The following C1QTNF9B variants were observed in gnomAD, a reference collection of about 807,000 sequenced individuals.
C1QTNF9B encodes the protein complement C1q and tumor necrosis factor-related protein 9B.
A neutral mutation model predicts 10.1 loss-of-function variants in C1QTNF9B; 9 were observed. The ratio of observed to expected loss-of-function variants is 0.89; its 90% CI spans 0.53 to 1.55. The LOEUF is 1.55. Among genes scored for constraint, C1QTNF9B ranks in the 40% most tolerant of loss-of-function variants. C1QTNF9B has a pLI of 0.00. For synonymous variants in C1QTNF9B, 79 were observed against 159.9 expected (o/e 0.49, Z 3.82); for missense variants, 196 against 414.4 (o/e 0.47, Z 4.58).
intron 1 of C1QTNF9B, chr13:23,894,513 T>C (rs554898017): frequency 1.5e-5 from 9 of 601,200 alleles, no homozygotes; most frequent in African/African-American, 3.6e-5. Flanking sequence ...ACTGTCACAA[T>C]TGATTGTGTT....
intron 1 of C1QTNF9B, among the ~76,000 whole-genome samples, chr13:23,894,950 T>C (rs548250487): frequency 6.6e-6 from 1 of 152,302 alleles, no homozygotes; most frequent in East Asian, 1.9e-4. Context: ...GAGACTCCCA[T>C]ACTTCAGACC....
chr13:23,891,509 T>C, exon 3 of C1QTNF9B: 1 of 1,608,120 alleles, frequency 6.2e-7, no homozygotes. Flanking sequence ...CACCTGAACA[T>C]TCCTGGAGAA....
chr13:23,893,949 G>A (rs1872106542), intron 2 of C1QTNF9B, among the ~76,000 whole-genome samples, 190 bp downstream of exon 4: 1 of 152,168 alleles, frequency 6.6e-6, no homozygotes, highest in Non-Finnish European at 1.5e-5. Flanking sequence ...AGATCTGTGT[G>A]GAGTTGAGAA....
intron 2 of C1QTNF9B, 90 bp from the exon 5 acceptor site, chr13:23,892,151 A>C: frequency 6.6e-7 from 1 of 1,507,396 alleles, no homozygotes. Flanking sequence ...CTCACAAATG[A>C]AACAAAGTAG....
upstream of C1QTNF9B, chr13:23,897,119 C>T (rs971991398): frequency 6.9e-6 from 9 of 1,297,166 alleles, no homozygotes; most frequent in African/African-American, 7.4e-5. Flanking sequence ...CCCAGACCCA[C>T]ACCTGGACAG....
chr13:23,892,113 G>A (rs1286222588), intron 2 of C1QTNF9B, 52 bp from the exon 5 acceptor site: 1 of 1,602,948 alleles, frequency 6.2e-7, no homozygotes. Flanking sequence ...ATTCCCTTGT[G>A]AACAACTTTG....
upstream of C1QTNF9B, chr13:23,897,333 A>C: frequency 2.6e-6 from 1 of 383,130 alleles, no homozygotes; most frequent in Non-Finnish European, 4.7e-6. Flanking sequence ...ATGCTTACTT[A>C]TCTCACAGGA....
At chr13:23,893,670 A>G (rs1007401642) in intron 2 of C1QTNF9B, among the ~76,000 whole-genome samples, 7 of 152,096 alleles carry the variant, frequency 4.6e-5, no homozygotes, top group African/African-American at 1.4e-4. Context: ...AAGTCTTACT[A>G]TGTTGCCCAG....
chr13:23,893,908 T>C (rs1872105313), intron 2 of C1QTNF9B, among the ~76,000 whole-genome samples: 3 of 152,214 alleles, frequency 2.0e-5, no homozygotes, highest in Admixed American at 1.3e-4. Context: ...CAGCTTCTTT[T>C]CACTACAAGG....
chr13:23,891,119 C>T (rs1273324166), exon 3 of C1QTNF9B: 4 of 603,116 alleles, frequency 6.6e-6, no homozygotes, highest in Non-Finnish European at 1.0e-5. Context: ...ATATTTACTC[C>T]TGGAAAAATA....
rs1872119805 is a variant in C1QTNF9B at position 23,894,264 on chromosome 13, G to C, written c.167-63C>G. On this transcript the variant is annotated intron_variant, in intron 1 of 2. Transcript: ENST00000382137. Reference sequence around the variant, plus strand: ...TCCATTTCTGATTTTTCTGGCCATTGGTCTCCATCAGCCATGTGTTGGAGA... The same window carrying C: ...TCCATTTCTGATTTTTCTGGCCATTCGTCTCCATCAGCCATGTGTTGGAGA... The C allele has an allele frequency of 3.9e-6, 5 of 1,298,450 alleles. No homozygotes were observed. The East Asian group carries it at 1.0e-4, about 26-fold the overall frequency. The allele number at this position is 1,298,450 out of a possible 1,614,324, so 80.4% of individuals were successfully genotyped here. A position where few individuals can be genotyped will look rare whatever the true frequency, so the allele number is the denominator to read the frequency against.
intron 2 of C1QTNF9B, among the ~76,000 whole-genome samples, 156 bp downstream of exon 4, chr13:23,893,983 A>T (rs1298877775): frequency 2.0e-5 from 3 of 152,176 alleles, no homozygotes; most frequent in Non-Finnish European, 4.4e-5. Flanking sequence ...GCCCTCTGCA[A>T]AGCCTGCCAA....
chr13:23,896,825 A>C (rs571318302), exon 1 of C1QTNF9B: 1 of 1,612,976 alleles, frequency 6.2e-7, no homozygotes, highest in African/African-American at 1.3e-5. Flanking sequence ...GAGTACCTGC[A>C]TCGCCTTTGT....
intron 2 of C1QTNF9B, among the ~76,000 whole-genome samples, chr13:23,893,215 A>G (rs1872078248): frequency 6.6e-6 from 1 of 152,178 alleles, no homozygotes; most frequent in African/African-American, 2.4e-5. Flanking sequence ...GGGATGTTGC[A>G]TTTGGTGAGT....
At chr13:23,891,422 C>T (rs1166730234) in exon 3 of C1QTNF9B, 1 of 1,582,102 alleles carries the variant, frequency 6.3e-7, no homozygotes, top group Non-Finnish European at 8.7e-7. Flanking sequence ...CAGGACAATG[C>T]TGCCAGAGGC....
chr13:23,893,322 G>A (rs1475966817), intron 2 of C1QTNF9B, among the ~76,000 whole-genome samples: 1 of 152,182 alleles, frequency 6.6e-6, no homozygotes, highest in Non-Finnish European at 1.5e-5. Flanking sequence ...CCTCCTCCAT[G>A]CAGTGCTGCC....
chr13:23,897,034 G>A, upstream of C1QTNF9B: 1 of 1,611,198 alleles, frequency 6.2e-7, no homozygotes, highest in Non-Finnish European at 8.5e-7. Context: ...AAACCCAGAG[G>A]AGAAACCTTT....
At chr13:23,895,475 T>C (rs2137568540) in intron 1 of C1QTNF9B, among the ~76,000 whole-genome samples, 1 of 152,276 alleles carries the variant, frequency 6.6e-6, no homozygotes, top group East Asian at 1.9e-4. Context: ...AGAAAGAATA[T>C]ATATTACAAA....
At chr13:23,896,413 G>A (rs550721314) in intron 1 of C1QTNF9B, among the ~76,000 whole-genome samples, 1 of 152,322 alleles carries the variant, frequency 6.6e-6, no homozygotes, top group Admixed American at 6.5e-5. Flanking sequence ...CACTGCAGCT[G>A]GGTGCTTGCT....
Sources: allele counts gnomAD v4.1 joint callset (sites outside exome capture counted in the v4.1 genomes callset), GRCh38; gene constraint gnomAD v4.1.1; transcripts MANE v1.5; gene names NCBI Gene and HGNC (gene_info 2026-07-23, HGNC 2026-07-21).